Variants in CHN1 observed in about 807,000 individuals in gnomAD.
CHN1 encodes chimerin 1.
In CHN1, 37 loss-of-function variants were observed where a neutral mutation model predicts 59.5. The observed-to-expected ratio is 0.62, with a 90% CI of 0.48 to 0.82. The LOEUF is 0.82. Ranked by LOEUF, CHN1 falls within the 40% of genes least tolerant of loss-of-function variation. The probability of loss-of-function intolerance (pLI) is 0.00; values close to 1 mark genes in which losing one functional copy is unlikely to be tolerated. For missense variants in CHN1, 469 were observed against 571.0 expected (o/e 0.82, Z 1.82); for synonymous variants, 206 against 200.4 (o/e 1.03, Z -0.24).
intron 11 of CHN1, among the ~76,000 whole-genome samples, chr2:174,805,944 TC>T (rs755278670): frequency 6.6e-6 from 1 of 152,164 alleles, no homozygotes; most frequent in Non-Finnish European, 1.5e-5. Flanking sequence ...TTGAAGCTGC[TC>T]TGGGAACAGA....
chr2:174,989,610 G>A (rs1343594013), intron 1 of CHN1, among the ~76,000 whole-genome samples: 1 of 151,774 alleles, frequency 6.6e-6, no homozygotes, highest in East Asian at 1.9e-4. Flanking sequence ...GGCAACACAG[G>A]GAGACCCTGT....
chr2:174,877,404 C>A (rs1424064673), intron 6 of CHN1, among the ~76,000 whole-genome samples: 1 of 152,056 alleles, frequency 6.6e-6, no homozygotes, highest in Non-Finnish European at 1.5e-5. Context: ...AATATACACA[C>A]ACACATAAAA....
intron 3 of CHN1, among the ~76,000 whole-genome samples, chr2:174,919,565 A>G (rs994559807): frequency 6.6e-6 from 1 of 152,196 alleles, no homozygotes; most frequent in African/African-American, 2.4e-5. Flanking sequence ...GAATTATTCT[A>G]CTTTGTCTTT....
At chr2:174,808,012 T>C (rs183544342) in intron 11 of CHN1, among the ~76,000 whole-genome samples, 24 of 152,216 alleles carry the variant, frequency 1.6e-4, no homozygotes, top group Admixed American at 1.3e-4. Flanking sequence ...GAAGTGTGAA[T>C]TACAAGTATG....
intron 6 of CHN1, among the ~76,000 whole-genome samples, chr2:174,873,001 C>T (rs1687458145): frequency 6.6e-6 from 1 of 150,432 alleles, no homozygotes; most frequent in African/African-American, 2.5e-5. Context: ...TTGTTCAAGA[C>T]CACACAGACT....
intron 3 of CHN1, among the ~76,000 whole-genome samples, chr2:174,936,662 A>G (rs1236622109): frequency 1.3e-5 from 2 of 152,152 alleles, no homozygotes; most frequent in African/African-American, 2.4e-5. Flanking sequence ...ATATTTATAT[A>G]TACCTATAAA....
At chr2:174,987,449 C>G (rs1366043327) in intron 1 of CHN1, among the ~76,000 whole-genome samples, 1 of 151,154 alleles carries the variant, frequency 6.6e-6, no homozygotes, top group African/African-American at 2.4e-5. Flanking sequence ...GCTCTGTCAC[C>G]CAGGCTGGAG....
At chr2:174,860,506 T>C (rs1687036750) in intron 6 of CHN1, among the ~76,000 whole-genome samples, 1 of 152,164 alleles carries the variant, frequency 6.6e-6, no homozygotes, top group South Asian at 2.1e-4. Flanking sequence ...AAAGTATATA[T>C]GTACAATACT....
intron 5 of CHN1, among the ~76,000 whole-genome samples, chr2:174,880,330 G>C (rs1687695094): frequency 6.6e-6 from 1 of 152,188 alleles, no homozygotes; most frequent in Admixed American, 6.5e-5. Context: ...TAAGAGAACT[G>C]CCAAGCTTTC....
At chr2:174,890,411 C>T (rs1438703740) in intron 5 of CHN1, among the ~76,000 whole-genome samples, 1 of 152,096 alleles carries the variant, frequency 6.6e-6, no homozygotes, top group Non-Finnish European at 1.5e-5. Flanking sequence ...GGCACTTAGC[C>T]AGCTACAGTA....
intron 6 of CHN1, among the ~76,000 whole-genome samples, chr2:174,855,016 T>C (rs756925885): frequency 6.6e-6 from 1 of 152,178 alleles, no homozygotes; most frequent in Non-Finnish European, 1.5e-5. Context: ...ATCCTGCTTA[T>C]AGGAAAGGGT....
At chr2:174,897,648 A>AT (rs1194027304) in intron 5 of CHN1, among the ~76,000 whole-genome samples, 15 of 152,158 alleles carry the variant, frequency 9.9e-5, no homozygotes, top group Non-Finnish European at 1.6e-4. Context: ...AGCTACCCAT[A>AT]TATGTATGTA....
chr2:174,895,438 G>A (rs1378683886), intron 5 of CHN1, among the ~76,000 whole-genome samples: 2 of 151,996 alleles, frequency 1.3e-5, no homozygotes, highest in Non-Finnish European at 2.9e-5. Flanking sequence ...GGGAAATGGG[G>A]AGTTGTTCAA....
At chr2:174,999,881 G>C (rs545154388) in intron 1 of CHN1, among the ~76,000 whole-genome samples, 1 of 152,266 alleles carries the variant, frequency 6.6e-6, no homozygotes, top group East Asian at 1.9e-4. Flanking sequence ...TGTCAAATTT[G>C]TATAATTATA....
At chr2:174,858,678 T>A (rs1262495796) in intron 6 of CHN1, among the ~76,000 whole-genome samples, 13 of 152,252 alleles carry the variant, frequency 8.5e-5, no homozygotes, top group Non-Finnish European at 8.8e-5. Flanking sequence ...GTTCAAAGGA[T>A]CCTAATAAAA....
At chr2:174,976,878 C>T (rs556238838) in intron 1 of CHN1, among the ~76,000 whole-genome samples, 376 of 152,234 alleles carry the variant, frequency 2.5e-3, no homozygotes, top group Non-Finnish European at 4.0e-3. Flanking sequence ...ACTAAATAAC[C>T]GCATCAAGTA....
intron 3 of CHN1, among the ~76,000 whole-genome samples, chr2:174,922,490 A>C (rs181619715): frequency 6.6e-6 from 1 of 152,334 alleles, no homozygotes; most frequent in Admixed American, 6.5e-5. Context: ...CATAAGCTCA[A>C]GTCTAGCCTG....
intron 5 of CHN1, among the ~76,000 whole-genome samples, chr2:174,883,455 A>G (rs1408256876): frequency 6.6e-6 from 1 of 152,204 alleles, no homozygotes; most frequent in Non-Finnish European, 1.5e-5. Context: ...AGGAGACTGA[A>G]AGATTCTACT....
intron 6 of CHN1, among the ~76,000 whole-genome samples, chr2:174,861,502 C>T (rs758881040): frequency 1.4e-4 from 21 of 152,208 alleles, no homozygotes; most frequent in Non-Finnish European, 2.4e-4. Context: ...TGAATGATTT[C>T]AGTCTCCTGC....
Sources: allele counts gnomAD v4.1 joint callset (sites outside exome capture counted in the v4.1 genomes callset), GRCh38; gene constraint gnomAD v4.1.1; transcripts MANE v1.5; gene names NCBI Gene and HGNC (gene_info 2026-07-23, HGNC 2026-07-21).